The following DDIT4L variants were observed in gnomAD, a reference collection of about 807,000 sequenced individuals.
DDIT4L encodes the protein DNA damage-inducible transcript 4-like protein.
Under a neutral mutation model 15.9 loss-of-function variants are expected in DDIT4L, and 13 were observed. That is an observed-to-expected ratio of 0.82 (90% confidence interval 0.53 to 1.30). DDIT4L has a LOEUF of 1.30. DDIT4L is among the 50% of genes most tolerant of loss of function. The pLI, the probability that DDIT4L is intolerant of heterozygous loss-of-function variation, is 0.00. For synonymous variants in DDIT4L, 82 were observed against 85.4 expected, an observed-to-expected ratio of 0.96 and a Z score of 0.22; for missense variants, 235 against 224.8, an observed-to-expected ratio of 1.05 and a Z score of -0.29.
intron 1 of DDIT4L, 127 bp from the exon 2 acceptor site, chr4:100,190,159 G>C: frequency 1.7e-6 from 1 of 601,862 alleles, no homozygotes; most frequent in Admixed American, 3.0e-5. Context: ...GGTGGAACCG[G>C]CCTCTGCAAC....
Position 100,187,977 on chromosome 4 carries a change from C to A in DDIT4L, c.282G>T (p.Arg94=). The change falls in exon 3 of 3, where the codon CGG becomes CGT. Residue 94 remains arginine (R), a synonymous_variant. Coordinates refer to ENST00000273990, the MANE Select transcript of DDIT4L (RefSeq NM_145244.4). ...AGCCGCAGGGCTCCGTTGAGGAAAG[C>A]CGCAGGACATCTTGAGCAATTCTCT... The part of the protein sequence containing the change: ...LTQRIAQDVL[R]LSSTEPCGLR... The A allele has an allele frequency of 1.9e-6, 3 of 1,614,132 alleles. No individual in the cohort carries two copies. Among genetic ancestry groups the A allele is most frequent in the East Asian group, 2.2e-5 (1 of 44,888 alleles).
chr4:100,187,913 T>C lies in DDIT4L; in HGVS notation c.346A>G (p.Asn116Asp), dbSNP rs1022340614. Residue 116 changes from asparagine to aspartate, a missense_variant, in exon 3 of 3, where the codon AAT becomes GAT. Coordinates refer to ENST00000273990, the MANE Select transcript of DDIT4L (RefSeq NM_145244.4). Reference protein sequence around the residue: ...CVMHVNLEIENVCKKLDRIVC... With the variant: ...CVMHVNLEIEDVCKKLDRIVC... ...ATCCTATCCAGCTTTTTACATACAT[T>C]TTCAATTTCCAAGTTCACGTGCATA... 9 of 1,613,988 alleles carry C rather than the reference T, an allele frequency of 5.6e-6. No homozygotes were observed. Among genetic ancestry groups the C allele is most frequent in the East Asian group, 4.5e-5 (2 of 44,876 alleles).
rs771881964 is a variant in DDIT4L, at chr4:100,187,773, AGAG to A, written c.483_485del (p.Ser162del). On this transcript the variant is annotated inframe_deletion, in exon 3 of 3. Coordinates refer to ENST00000273990, the MANE Select transcript of DDIT4L (RefSeq NM_145244.4). ...TGAGGATCAGAGTTCTCCTGAAACCAGAGGAGAAGCGACCTCTACTAAAGAAAA... is the reference window on the plus strand; with the variant it reads ...TGAGGATCAGAGTTCTCCTGAAACCAGAGAAGCGACCTCTACTAAAGAAAA... 48 of 1,612,616 alleles carry A rather than the reference AGAG, an allele frequency of 3.0e-5. No homozygotes were observed. Among genetic ancestry groups the A allele is most frequent in the Admixed American group, 8.4e-5 (5 of 59,554 alleles).
At position 100,186,149 on chromosome 4, in the gene DDIT4L, C is replaced by T. The variant is rs563051509; in HGVS notation, c.*1528G>A. The T allele has an allele frequency of 9.2e-5, 14 of 152,234 alleles. No homozygotes were observed. Among genetic ancestry groups the T allele is most frequent in the African/African-American group, 3.4e-4 (14 of 41,546 alleles). The allele number at this position is 152,234 out of a possible 1,614,324, so 9.4% of individuals were successfully genotyped here. A position where few individuals can be genotyped will look rare whatever the true frequency, so the allele number is the denominator to read the frequency against. On this transcript the variant is annotated 3_prime_UTR_variant, in exon 3 of 3. Coordinates refer to ENST00000273990, the MANE Select transcript of DDIT4L (RefSeq NM_145244.4). ...CAAAACAACATAGATTTATCTTGGC[C>T]CAATTCTATAAAGATTGGCTTTGTA...
At chr4:100,189,390 G>T (rs1723477078) in intron 2 of DDIT4L, among the ~76,000 whole-genome samples, 2 of 152,110 alleles carry the variant, frequency 1.3e-5, no homozygotes. Context: ...GGACATAAAA[G>T]AATCTCAAAA....
At chr4:100,190,172 A>G (rs1723492848) in intron 1 of DDIT4L, 131 bp downstream of exon 1, 1 of 583,038 alleles carries the variant, frequency 1.7e-6, no homozygotes, top group Non-Finnish European at 3.0e-6. Context: ...TCTGCAACTC[A>G]ATTTGACAAA....
chr4:100,190,303 C>G lies in DDIT4L; in HGVS notation c.-50G>C, dbSNP rs1723495498. 2.9e-6 allele frequency: 1 copy of G among 345,400 alleles called. No individual in the cohort carries two copies. The highest frequency in any genetic ancestry group is 5.3e-6 in the Non-Finnish European group (1 of 187,724). 21.4% of individuals were successfully genotyped at this position (345,400 alleles called of 1,614,324 possible). ...CCACCAAGGCCGCAGCTTCGCTCAC[C>G]TGCCAGGAGTTCGCGGGGGCCTGCG... On this transcript the variant is annotated splice_region_variant and 5_prime_UTR_variant, in exon 1 of 3. Coordinates refer to ENST00000273990, the MANE Select transcript of DDIT4L (RefSeq NM_145244.4).
Position 100,189,841 on chromosome 4 carries a change from C to G in DDIT4L, c.91+52G>C. The G allele has an allele frequency of 1.9e-6, 3 of 1,578,648 alleles. No individual in the cohort carries two copies. In the Admixed American group the frequency reaches 5.0e-5, roughly 27 times the overall value. On this transcript the variant is annotated intron_variant, in intron 2 of 2. Transcript: ENST00000273990. ...TCGAAAGCCCGCCCACCCAATAGAT[C>G]CAGAGGCACCGACCTTGGGAGGGGA...
At chr4:100,189,564 G>T (rs548916733) in intron 2 of DDIT4L, among the ~76,000 whole-genome samples, 20 of 152,274 alleles carry the variant, frequency 1.3e-4, no homozygotes, top group African/African-American at 4.8e-4. Context: ...CGGAATTCAG[G>T]GGGAGGGGCG....
rs773137877 is a variant in DDIT4L at position 100,189,965 on chromosome 4, A to G, written c.19T>C (p.Leu7=). Residue 7 remains leucine (L), a synonymous_variant, in exon 2 of 3, where the codon TTG becomes CTG. Coordinates refer to ENST00000273990, the MANE Select transcript of DDIT4L (RefSeq NM_145244.4). MVATGS[L]SSKNPASISE... is the part of the protein sequence containing the mutation. ...ATGCTGGCCGGGTTCTTGCTGCTCA[A>G]ACTGCCAGTTGCAACCATGGTCAAC... The G allele has an allele frequency of 1.9e-6, 3 of 1,614,100 alleles. No homozygotes were observed. The highest frequency in any genetic ancestry group is 2.5e-6 in the Non-Finnish European group (3 of 1,180,014).
Sources: gnomAD v4.1 joint callset for allele counts (sites outside exome capture counted in the v4.1 genomes callset) on GRCh38, gnomAD v4.1.1 for gene constraint, MANE v1.5 for transcripts, NCBI Gene and HGNC (gene_info 2026-07-23, HGNC 2026-07-21) for gene names.